Variants in SDK1 observed in about 807,000 individuals in gnomAD.
SDK1 encodes the protein sidekick cell adhesion molecule 1.
SDK1 carries 157 observed loss-of-function variants against 245.5 expected under a neutral mutation model. That is an observed-to-expected ratio of 0.64 (90% CI 0.56 to 0.73). The LOEUF is 0.73. Ranked by LOEUF, SDK1 falls within the 30% of genes least tolerant of loss-of-function variation. The pLI is 0.00. For synonymous variants in SDK1, 1,647 were observed against 1,278.5 expected, an observed-to-expected ratio of 1.29 and a Z score of -6.15; for missense variants, 3,583 against 3,002.3, an observed-to-expected ratio of 1.19 and a Z score of -4.52.
intron 1 of SDK1, among the ~76,000 whole-genome samples, chr7:3,542,640 T>C (rs2128620892): frequency 6.6e-6 from 1 of 152,344 alleles, no homozygotes; most frequent in Admixed American, 6.5e-5. Context: ...TTTTAAAATG[T>C]TAAAAATATT....
At chr7:3,802,227 A>G (rs375714749) in intron 4 of SDK1, among the ~76,000 whole-genome samples, 1 of 152,126 alleles carries the variant, frequency 6.6e-6, no homozygotes, top group South Asian at 2.1e-4. Context: ...TGTAACTACC[A>G]CTACATCCAC....
Position 4,220,249 on chromosome 7 carries a change from A to G in SDK1, c.5680A>G (p.Ile1894Val). Residue 1894 changes from isoleucine to valine, a missense_variant, in exon 39 of 45, where the codon ATC becomes GTC. By Grantham distance (29) the Ile-to-Val change is conservative. Transcript: ENST00000404826. Reference protein sequence around the residue: ...ITYGPELQANITAGPAEGSPG... With the variant: ...ITYGPELQANVTAGPAEGSPG... ...CTACGGGCCCGAGCTCCAAGCCAAT[A>G]TCACAGCCGGGCCAGCCGAGGGTAA... The G allele has an allele frequency of 6.2e-7, 1 of 1,613,836 alleles. No homozygotes were observed. Among genetic ancestry groups the G allele is most frequent in the Non-Finnish European group, 8.5e-7 (1 of 1,179,922 alleles).
At chr7:4,181,295 G>A (rs909999201) in intron 35 of SDK1, among the ~76,000 whole-genome samples, 2 of 152,262 alleles carry the variant, frequency 1.3e-5, no homozygotes, top group Non-Finnish European at 2.9e-5. Flanking sequence ...TCATGGCTGA[G>A]TAATATCCCA....
chr7:3,809,541 C>T (rs1383969919), intron 4 of SDK1, among the ~76,000 whole-genome samples: 3 of 152,148 alleles, frequency 2.0e-5, no homozygotes, highest in African/African-American at 7.2e-5. Context: ...GAGAGTGGAA[C>T]CCTTTGGTCA....
chr7:3,362,520 C>G (rs1282987400), intron 1 of SDK1, among the ~76,000 whole-genome samples: 1 of 151,980 alleles, frequency 6.6e-6, no homozygotes. Context: ...CATATTTTTT[C>G]CTATATCTTT....
intron 1 of SDK1, among the ~76,000 whole-genome samples, chr7:3,349,300 C>G (rs566223656): frequency 1.3e-5 from 2 of 152,008 alleles, no homozygotes; most frequent in African/African-American, 2.4e-5. Context: ...GGGTCTCACC[C>G]TTATTAGACT....
intron 5 of SDK1, among the ~76,000 whole-genome samples, chr7:3,920,656 A>T (rs1779553728): frequency 6.6e-6 from 1 of 152,148 alleles, no homozygotes; most frequent in Non-Finnish European, 1.5e-5. Flanking sequence ...CTTAAACTGC[A>T]AGCTGGGGCT....
intron 4 of SDK1, among the ~76,000 whole-genome samples, chr7:3,711,178 T>G (rs1380336334): frequency 6.6e-6 from 1 of 152,248 alleles, no homozygotes; most frequent in African/African-American, 2.4e-5. Context: ...TTGACTTTTC[T>G]AAACCACATA....
intron 16 of SDK1, among the ~76,000 whole-genome samples, chr7:4,014,170 G>A (rs1001607480): frequency 2.6e-5 from 4 of 152,348 alleles, no homozygotes; most frequent in South Asian, 2.1e-4. Flanking sequence ...GGCTGAAGCC[G>A]TCAAGTAAGG....
intron 1 of SDK1, among the ~76,000 whole-genome samples, chr7:3,349,726 A>G (rs991870468): frequency 9.2e-5 from 14 of 151,854 alleles, no homozygotes; most frequent in African/African-American, 2.9e-4. Context: ...CAGCCTCCCG[A>G]GTGGCTGGGC....
intron 43 of SDK1, 36 bp from the exon 44 acceptor site, chr7:4,245,640 C>T (rs1470504966): frequency 9.3e-6 from 15 of 1,605,470 alleles, no homozygotes; most frequent in Non-Finnish European, 1.3e-5. Context: ...GCGTCTTTTG[C>T]CCAGAGGGTA....
At chr7:3,998,322 A>G (rs1356671587) in intron 14 of SDK1, among the ~76,000 whole-genome samples, 4 of 152,272 alleles carry the variant, frequency 2.6e-5, no homozygotes, top group Non-Finnish European at 2.9e-5. Flanking sequence ...CAGGCTGTCT[A>G]GAGCAGCTGG....
In SDK1 at chr7:3,363,930, A is replaced by G. The variant is rs560530165; in HGVS notation, c.298+62046A>G. Among the ~76,000 whole-genome samples, 24 of 152,310 alleles carry G rather than the reference A, an allele frequency of 1.6e-4. No homozygotes were observed. In the South Asian group the frequency reaches 4.1e-3, roughly 26 times the overall value. On this transcript the variant is annotated intron_variant, in intron 1 of 44. Transcript: ENST00000404826. ...TTACGTTGTCACCAGAAATGTGTGA[A>G]TGTGATCCAGTTTCACATCCTCATC... is the stretch of plus-strand genomic sequence containing the variant.
chr7:4,005,074 T>G (rs1014830021), intron 14 of SDK1, among the ~76,000 whole-genome samples: 3 of 126,200 alleles, frequency 2.4e-5, no homozygotes, highest in African/African-American at 9.2e-5. Flanking sequence ...TGAGACGGAG[T>G]CTTGCTGTGT....
intron 5 of SDK1, among the ~76,000 whole-genome samples, chr7:3,899,876 C>G (rs554266889): frequency 9.2e-5 from 14 of 152,256 alleles, no homozygotes; most frequent in Non-Finnish European, 1.8e-4. Context: ...CTTCCCGGAC[C>G]TGGCACACAG....
At chr7:3,757,707 G>A (rs560976118) in intron 4 of SDK1, among the ~76,000 whole-genome samples, 1 of 152,292 alleles carries the variant, frequency 6.6e-6, no homozygotes, top group African/African-American at 2.4e-5. Flanking sequence ...CAACACCCCG[G>A]AGGCTCTTCC....
intron 4 of SDK1, among the ~76,000 whole-genome samples, chr7:3,751,580 C>G (rs1401837716): frequency 1.3e-5 from 2 of 152,142 alleles, no homozygotes; most frequent in Non-Finnish European, 2.9e-5. Context: ...TTTTACAGGC[C>G]TGGATCATGG....
chr7:4,217,187 C>A (rs1258686401), intron 38 of SDK1, among the ~76,000 whole-genome samples: 1 of 142,088 alleles, frequency 7.0e-6, no homozygotes, highest in African/African-American at 2.6e-5. Flanking sequence ...CCCCGGAGCA[C>A]CCTGCCACCC....
At chr7:3,515,503 C>A (rs896584838) in intron 1 of SDK1, among the ~76,000 whole-genome samples, 3 of 152,152 alleles carry the variant, frequency 2.0e-5, no homozygotes, top group African/African-American at 7.2e-5. Flanking sequence ...TATTTAAAAA[C>A]ACACACTGTC....
Sources: gnomAD v4.1 joint callset for allele counts (sites outside exome capture counted in the v4.1 genomes callset) on GRCh38, gnomAD v4.1.1 for gene constraint, MANE v1.5 for transcripts, NCBI Gene and HGNC (gene_info 2026-07-23, HGNC 2026-07-21) for gene names.